Variants in LPP observed in about 807,000 individuals in gnomAD.
LPP encodes lipoma-preferred partner.
Under a neutral mutation model 60.4 loss-of-function variants are expected in LPP, and 38 were observed. The ratio of observed to expected loss-of-function variants is 0.63; its 90% CI spans 0.49 to 0.83. LPP has a LOEUF of 0.83. LPP is among the 40% of genes least tolerant of loss of function. The pLI, the probability that LPP is intolerant of heterozygous loss-of-function variation, is 0.00. For missense variants in LPP, 902 were observed against 783.6 expected (o/e 1.15, Z -1.80); for synonymous variants, 328 against 290.8 (o/e 1.13, Z -1.30).
At chr3:188,351,321 C>T (rs1765767503) in intron 3 of LPP, among the ~76,000 whole-genome samples, 2 of 152,248 alleles carry the variant, frequency 1.3e-5, no homozygotes, top group South Asian at 4.1e-4. Context: ...GTCCAGCTCC[C>T]CCACCCCAGG....
chr3:188,567,400 G>C (rs934452485), intron 6 of LPP, among the ~76,000 whole-genome samples: 3 of 151,650 alleles, frequency 2.0e-5, no homozygotes, highest in African/African-American at 7.3e-5. Flanking sequence ...TTAATTTCTT[G>C]AAAATTGAAA....
intron 8 of LPP, among the ~76,000 whole-genome samples, chr3:188,742,871 C>A (rs1002564975): frequency 8.6e-5 from 13 of 151,970 alleles, no homozygotes; most frequent in African/African-American, 3.1e-4. Context: ...TGTTTTTCAC[C>A]AATTGGTTTG....
intron 2 of LPP, among the ~76,000 whole-genome samples, chr3:188,291,361 C>T (rs537790122): frequency 4.6e-5 from 7 of 152,030 alleles, no homozygotes; most frequent in South Asian, 2.1e-4. Context: ...GGACATTGGC[C>T]GGGCGTGGTG....
intron 8 of LPP, among the ~76,000 whole-genome samples, chr3:188,727,309 G>A (rs1253779836): frequency 1.3e-5 from 2 of 152,130 alleles, no homozygotes; most frequent in East Asian, 3.8e-4. Context: ...CACAGTTAAT[G>A]TTCAGCAGTA....
chr3:188,224,581 G>C (rs1212414383), intron 1 of LPP, among the ~76,000 whole-genome samples: 1 of 152,124 alleles, frequency 6.6e-6, no homozygotes, highest in Non-Finnish European at 1.5e-5. Context: ...GTGTAATTGG[G>C]TCATGGTTCT....
At chr3:188,676,232 G>A (rs997042473) in intron 7 of LPP, among the ~76,000 whole-genome samples, 10 of 152,188 alleles carry the variant, frequency 6.6e-5, no homozygotes, top group Admixed American at 1.3e-4. Flanking sequence ...CTTGCACATA[G>A]TGGGGAGATA....
chr3:188,845,068 G>A (rs568368743), intron 9 of LPP, among the ~76,000 whole-genome samples: 1 of 152,168 alleles, frequency 6.6e-6, no homozygotes, highest in Non-Finnish European at 1.5e-5. Context: ...AGTGTGAAAG[G>A]TCTGAGGCCT....
chr3:188,553,415 A>G (rs1828685595), intron 6 of LPP, among the ~76,000 whole-genome samples: 1 of 152,126 alleles, frequency 6.6e-6, no homozygotes. Context: ...GGGGTTACTT[A>G]GGACAGAGAG....
At chr3:188,228,554 C>T (rs1427755590) in intron 2 of LPP, among the ~76,000 whole-genome samples, 1 of 152,102 alleles carries the variant, frequency 6.6e-6, no homozygotes, top group African/African-American at 2.4e-5. Context: ...GAGGCCATGG[C>T]AGGAAGATCG....
chr3:188,639,005 G>GA (rs1849458393), intron 7 of LPP, among the ~76,000 whole-genome samples: 1 of 150,866 alleles, frequency 6.6e-6, no homozygotes. Context: ...CACAGAATTG[G>GA]AAAAAACTAC....
intron 5 of LPP, among the ~76,000 whole-genome samples, chr3:188,511,442 A>C (rs528248956): frequency 1.3e-5 from 2 of 151,862 alleles, no homozygotes; most frequent in African/African-American, 2.4e-5. Flanking sequence ...TAGATGGCAA[A>C]AAAGGGTATT....
chr3:188,506,564 A>G (rs1813516658), intron 5 of LPP, among the ~76,000 whole-genome samples: 1 of 152,314 alleles, frequency 6.6e-6, no homozygotes, highest in East Asian at 1.9e-4. Context: ...CAGATTTGAC[A>G]TGGTCCTAAC....
chr3:188,200,658 C>T (rs1234938466), intron 1 of LPP, among the ~76,000 whole-genome samples: 2 of 152,162 alleles, frequency 1.3e-5, no homozygotes, highest in African/African-American at 4.8e-5. Flanking sequence ...TCACTTCCAC[C>T]TTCCAGATCA....
chr3:188,696,694 C>A (rs1212509341), intron 7 of LPP, among the ~76,000 whole-genome samples: 1 of 152,150 alleles, frequency 6.6e-6, no homozygotes, highest in Admixed American at 6.5e-5. Context: ...AATTGGTAAG[C>A]TGTGGATGTG....
rs1578409789 is a variant in LPP, at chr3:188,372,699, T to G, written c.-10+30980T>G. Among the ~76,000 whole-genome samples the G allele has an allele frequency of 7.2e-5, 11 of 151,856 alleles. No individual in the cohort carries two copies. The South Asian group carries it at 2.1e-3, about 29-fold the overall frequency. On this transcript the variant is annotated intron_variant, in intron 3 of 11. Transcript: ENST00000617246. ...TATTATGTTGGCTTCTTTTTGTTTT[T>G]TTTTTTTAAATTTTATTATTATTAT...
Position 188,600,380 on chromosome 3 carries a change from C to T in LPP, c.430-8781C>T, listed in dbSNP as rs549335813. ...CCAAAAATAACCCCTTTAAAATAAC[C>T]AATGTTATCAGTTGGGAATAGATCC... On this transcript the variant is annotated intron_variant, in intron 6 of 11. Coordinates refer to ENST00000617246, the MANE Select transcript of LPP (RefSeq NM_001375462.1). Among the ~76,000 whole-genome samples, 8 of 150,558 alleles carry T rather than the reference C, an allele frequency of 5.3e-5. No homozygotes were observed. In the South Asian group the frequency reaches 1.7e-3, roughly 32 times the overall value.
At chr3:188,741,809 C>T (rs7356019) in intron 8 of LPP, among the ~76,000 whole-genome samples, 33,065 of 151,820 alleles carry the variant, frequency 0.22, 4,187 homozygotes, top group Middle Eastern at 0.42. Flanking sequence ...TATAAAAACT[C>T]TAAAACTTGT....
chr3:188,400,611 A>G (rs1229200590), intron 3 of LPP, among the ~76,000 whole-genome samples: 2 of 152,184 alleles, frequency 1.3e-5, no homozygotes, highest in African/African-American at 4.8e-5. Context: ...CAATTTCTGA[A>G]AGAGCAATGC....
At chr3:188,777,322 T>C (rs1432515974) in intron 9 of LPP, among the ~76,000 whole-genome samples, 2 of 151,994 alleles carry the variant, frequency 1.3e-5, no homozygotes, top group Non-Finnish European at 2.9e-5. Flanking sequence ...TGCGTCTAAG[T>C]TGCCTGCCTA....
Sources: allele counts gnomAD v4.1 joint callset (sites outside exome capture counted in the v4.1 genomes callset), GRCh38; gene constraint gnomAD v4.1.1; transcripts MANE v1.5; gene names NCBI Gene and HGNC (gene_info 2026-07-23, HGNC 2026-07-21).